The following OXR1 variants were observed in gnomAD, a reference collection of about 807,000 sequenced individuals.
The protein encoded by OXR1 is oxidation resistance 1, also known as oxidation resistance protein 1.
In OXR1, 41 loss-of-function variants were observed where a neutral mutation model predicts 104.6. The ratio of observed to expected loss-of-function variants is 0.39; its 90% confidence interval spans 0.31 to 0.51. OXR1 has a LOEUF of 0.51. Ranked by LOEUF, OXR1 falls within the 20% of genes least tolerant of loss-of-function variation. The pLI, the probability that OXR1 is intolerant of heterozygous loss-of-function variation, is 0.77. For missense variants in OXR1, 955 were observed against 1,031.9 expected (o/e 0.93, Z 1.02); for synonymous variants, 348 against 348.4 (o/e 1.00, Z 0.01).
intron 11 of OXR1, among the ~76,000 whole-genome samples, chr8:106,715,350 A>G (rs894802641): frequency 6.6e-6 from 1 of 150,818 alleles, no homozygotes; most frequent in African/African-American, 2.4e-5. Context: ...GGGATGTTCT[A>G]TATGTTACTC....
At chr8:106,310,164 A>G (rs560783007) in intron 1 of OXR1, among the ~76,000 whole-genome samples, 2 of 151,108 alleles carry the variant, frequency 1.3e-5, no homozygotes, top group Non-Finnish European at 2.9e-5. Flanking sequence ...ATTTTATTAT[A>G]TGATTACATT....
intron 2 of OXR1, among the ~76,000 whole-genome samples, chr8:106,440,952 T>G (rs990830881): frequency 6.6e-6 from 1 of 152,134 alleles, no homozygotes; most frequent in African/African-American, 2.4e-5. Context: ...AGCCATTGCT[T>G]AATTTTTAAT....
At chr8:106,421,735 T>G (rs1818914508) in intron 2 of OXR1, among the ~76,000 whole-genome samples, 1 of 106,396 alleles carries the variant, frequency 9.4e-6, no homozygotes, top group Non-Finnish European at 1.9e-5. Flanking sequence ...AGAAACTATA[T>G]CAAATTTGCT....
intron 3 of OXR1, among the ~76,000 whole-genome samples, chr8:106,620,075 C>A (rs1228482549): frequency 6.6e-6 from 1 of 152,112 alleles, no homozygotes; most frequent in Non-Finnish European, 1.5e-5. Flanking sequence ...ATATATAGCA[C>A]TTAAACCTCT....
chr8:106,707,790 A>G (rs1271839322), intron 9 of OXR1: 1 of 152,414 alleles, frequency 6.6e-6, no homozygotes, highest in African/African-American at 2.4e-5. Context: ...TAAATGGGGT[A>G]TAACAACTAA....
intron 10 of OXR1, among the ~76,000 whole-genome samples, chr8:106,712,624 T>G (rs745775773): frequency 3.3e-5 from 5 of 152,088 alleles, no homozygotes; most frequent in Admixed American, 1.3e-4. Context: ...TATGTTGCTT[T>G]GGAAGACTAC....
intron 1 of OXR1, among the ~76,000 whole-genome samples, chr8:106,295,290 T>C (rs1242985744): frequency 6.6e-6 from 1 of 152,160 alleles, no homozygotes; most frequent in Non-Finnish European, 1.5e-5. Context: ...GATTACACAT[T>C]GGACTTAACC....
Position 106,657,914 on chromosome 8 carries a change from C to G in OXR1, c.221-21296C>G, listed in dbSNP as rs990418357. 4.2e-5 allele frequency: 52 copies of G among 1,246,878 alleles called. No individual in the cohort carries two copies. In the African/African-American group the frequency reaches 7.1e-4, roughly 17 times the overall value. The allele number at this position is 1,246,878 out of a possible 1,614,324, so 77.2% of individuals were successfully genotyped here. A position where few individuals can be genotyped will look rare whatever the true frequency, so the allele number is the denominator to read the frequency against. Reference sequence around the variant, plus strand: ...GTCAGGTCTGATGGGCCGGTGGGCGCGCTAGTGGTGGCCGCCACCGCCGAA... The same window carrying G: ...GTCAGGTCTGATGGGCCGGTGGGCGGGCTAGTGGTGGCCGCCACCGCCGAA... On this transcript the variant is annotated intron_variant, in intron 3 of 16. Coordinates refer to ENST00000517566, the MANE Select transcript of OXR1 (RefSeq NM_001198533.2).
intron 3 of OXR1, among the ~76,000 whole-genome samples, chr8:106,549,244 A>ATT (rs11420902): frequency 2.3e-3 from 337 of 144,132 alleles, no homozygotes; most frequent in South Asian, 3.6e-3. Context: ...CATATCAAAC[A>ATT]TTTTTTTTTT....
At chr8:106,679,088 C>T (rs1827890252) in intron 3 of OXR1, 122 bp from the exon 4 acceptor site, 7 of 511,272 alleles carry the variant, frequency 1.4e-5, no homozygotes, top group Admixed American at 3.8e-5. Context: ...AGCAGAGCAT[C>T]CCAGGGAGTA....
chr8:106,406,549 A>G (rs892160163), intron 2 of OXR1, among the ~76,000 whole-genome samples: 1 of 152,198 alleles, frequency 6.6e-6, no homozygotes, highest in Non-Finnish European at 1.5e-5. Flanking sequence ...ATGAACAGTT[A>G]TTAAGAAATC....
intron 2 of OXR1, among the ~76,000 whole-genome samples, chr8:106,481,212 A>G (rs1440293411): frequency 2.0e-5 from 3 of 152,034 alleles, no homozygotes; most frequent in Admixed American, 2.0e-4. Flanking sequence ...GTCACACATA[A>G]GACCCTTAAT....
chr8:106,433,035 C>G (rs2167799), intron 2 of OXR1, among the ~76,000 whole-genome samples: 34,323 of 151,952 alleles, frequency 0.23, 5,377 homozygotes, highest in African/African-American at 0.42. Context: ...TATGAAGACA[C>G]GAGAATTGCA....
At chr8:106,675,149 A>T (rs1387922889) in intron 3 of OXR1, among the ~76,000 whole-genome samples, 2 of 152,232 alleles carry the variant, frequency 1.3e-5, no homozygotes, top group Non-Finnish European at 2.9e-5. Flanking sequence ...GCCTAATAAC[A>T]TGGTCCCAAT....
chr8:106,278,941 T>G (rs1470454981), intron 1 of OXR1, among the ~76,000 whole-genome samples: 1 of 152,198 alleles, frequency 6.6e-6, no homozygotes, highest in East Asian at 1.9e-4. Flanking sequence ...CAATTGGTTT[T>G]TCCATATGTA....
chr8:106,296,386 A>G (rs892863927), intron 1 of OXR1, among the ~76,000 whole-genome samples: 2 of 152,190 alleles, frequency 1.3e-5, no homozygotes, highest in African/African-American at 4.8e-5. Flanking sequence ...TATTAGTAAT[A>G]TGTATTGAGG....
Position 106,499,400 on chromosome 8 carries a change from C to A in OXR1, c.24-19543C>A, listed in dbSNP as rs148055912. On this transcript the variant is annotated intron_variant, in intron 2 of 16. Coordinates refer to ENST00000517566, the MANE Select transcript of OXR1 (RefSeq NM_001198533.2). ...GTCAGGGGAAAGAGTGTATACGTTT[C>A]ATGTAAAATATCCTTCCTCTTTGTA... is the stretch of plus-strand genomic sequence containing the variant. 8.6e-5 allele frequency among the ~76,000 whole-genome samples: 13 copies of A among 152,016 alleles called. No homozygotes were observed. The East Asian group carries it at 2.5e-3, about 30-fold the overall frequency.
At chr8:106,385,728 T>A (rs986624514) in intron 2 of OXR1, among the ~76,000 whole-genome samples, 13 of 152,192 alleles carry the variant, frequency 8.5e-5, no homozygotes, top group African/African-American at 2.9e-4. Flanking sequence ...ATCAGGTTTC[T>A]AGATGGCCTT....
At chr8:106,331,308 T>C (rs772751269) in intron 1 of OXR1, among the ~76,000 whole-genome samples, 5 of 152,196 alleles carry the variant, frequency 3.3e-5, no homozygotes, top group Non-Finnish European at 5.9e-5. Flanking sequence ...TAGGATATTT[T>C]TCATTAGTTG....
Sources: allele counts gnomAD v4.1 joint callset (sites outside exome capture counted in the v4.1 genomes callset), GRCh38; gene constraint gnomAD v4.1.1; transcripts MANE v1.5; gene names NCBI Gene and HGNC (gene_info 2026-07-23, HGNC 2026-07-21).